Variants in P4HA1 observed in about 807,000 individuals in gnomAD.
The protein encoded by P4HA1 is prolyl 4-hydroxylase subunit alpha 1, also known as prolyl 4-hydroxylase subunit alpha-1.
Under a neutral mutation model 72.8 loss-of-function variants are expected in P4HA1, and 24 were observed. That is an observed-to-expected ratio of 0.33 (90% confidence interval 0.24 to 0.46). The LOEUF (loss-of-function observed/expected upper bound fraction) is 0.46, where lower values mean the gene tolerates loss of function less well. Among genes scored for constraint, P4HA1 ranks in the 20% least tolerant of loss-of-function variants. The pLI, the probability that P4HA1 is intolerant of heterozygous loss-of-function variation, is 1.00. For synonymous variants in P4HA1, 201 were observed against 218.8 expected, an observed-to-expected ratio of 0.92 and a Z score of 0.72; for missense variants, 446 against 640.6, an observed-to-expected ratio of 0.70 and a Z score of 3.28.
intron 1 of P4HA1, among the ~76,000 whole-genome samples, chr10:73,086,933 C>CAAAAA (rs59200288): frequency 2.1e-4 from 7 of 33,100 alleles, no homozygotes; most frequent in African/African-American, 3.8e-4. Context: ...GAGTGCATCT[C>CAAAAA]AAAAAAAAAA....
chr10:73,013,075 C>G (rs975284184), intron 12 of P4HA1, among the ~76,000 whole-genome samples: 2 of 152,144 alleles, frequency 1.3e-5, no homozygotes, highest in African/African-American at 4.8e-5. Context: ...GGATTACAGG[C>G]GTGTGTCACT....
chr10:73,054,560 A>G (rs750858672), intron 5 of P4HA1, among the ~76,000 whole-genome samples: 3 of 152,216 alleles, frequency 2.0e-5, no homozygotes, highest in South Asian at 4.1e-4. Context: ...TGCTACTGTG[A>G]ACATTTGTGT....
intron 9 of P4HA1, among the ~76,000 whole-genome samples, chr10:73,044,461 G>A (rs764723662): frequency 1.3e-5 from 2 of 152,046 alleles, no homozygotes; most frequent in Non-Finnish European, 2.9e-5. Context: ...TTGAGTCAGC[G>A]AATTTTTTTA....
chr10:73,093,873 AATATATAT>A (rs1167437294), intron 1 of P4HA1, among the ~76,000 whole-genome samples: 315 of 29,278 alleles, frequency 0.011, 13 homozygotes, highest in African/African-American at 0.025. Flanking sequence ...AAAAAAAAAA[AATATATAT>A]ATATATATAT....
chr10:73,007,653 G>A lies in P4HA1; in HGVS notation c.*569C>T, dbSNP rs1431487387. The A allele has an allele frequency of 3.3e-5, 5 of 151,678 alleles. No individual in the cohort carries two copies. Among genetic ancestry groups the A allele is most frequent in the Non-Finnish European group, 7.4e-5 (5 of 67,980 alleles). The allele number at this position is 151,678 out of a possible 1,614,324, so 9.4% of individuals were successfully genotyped here. A position where few individuals can be genotyped will look rare whatever the true frequency, so the allele number is the denominator to read the frequency against. ...ACCACAGAGGAGCTAAAAGAAAAGA[G>A]AGGGGGTTGGTAAAATACAGTATAC... On this transcript the variant is annotated 3_prime_UTR_variant, in exon 15 of 15. Coordinates refer to ENST00000394890, the MANE Select transcript of P4HA1 (RefSeq NM_001017962.3).
chr10:73,090,173 C>T (rs1842000232), intron 1 of P4HA1, among the ~76,000 whole-genome samples: 1 of 150,814 alleles, frequency 6.6e-6, no homozygotes, highest in African/African-American at 2.4e-5. Context: ...ATTTCGGTCA[C>T]CAGGCTGGAG....
intron 2 of P4HA1, among the ~76,000 whole-genome samples, chr10:73,074,237 C>T (rs1377375038): frequency 6.6e-6 from 1 of 152,014 alleles, no homozygotes; most frequent in East Asian, 1.9e-4. Context: ...AAAAGCCACA[C>T]TAAAAAAGTT....
chr10:73,026,957 G>A (rs1840286742), intron 10 of P4HA1, among the ~76,000 whole-genome samples: 1 of 152,170 alleles, frequency 6.6e-6, no homozygotes, highest in African/African-American at 2.4e-5. Flanking sequence ...AACAGATGCT[G>A]GAGAGGATGT....
chr10:73,041,066 T>C (rs1840721715), intron 9 of P4HA1, among the ~76,000 whole-genome samples: 1 of 152,154 alleles, frequency 6.6e-6, no homozygotes, highest in African/African-American at 2.4e-5. Context: ...TTACTATCTA[T>C]TAGTGTTCCT....
At chr10:73,092,691 AAT>A (rs1169761147) in intron 1 of P4HA1, among the ~76,000 whole-genome samples, 19 of 150,324 alleles carry the variant, frequency 1.3e-4, no homozygotes, top group African/African-American at 4.5e-4. Flanking sequence ...AAAAAAAAAA[AAT>A]TTAAATATAA....
intron 13 of P4HA1, 76 bp downstream of exon 13, chr10:73,010,893 A>G: frequency 9.8e-7 from 1 of 1,019,138 alleles, no homozygotes; most frequent in Non-Finnish European, 1.5e-6. Flanking sequence ...TAATTCATTA[A>G]TTAGACCATG....
At chr10:73,069,430 A>T (rs1489566599) in intron 4 of P4HA1, among the ~76,000 whole-genome samples, 1 of 152,198 alleles carries the variant, frequency 6.6e-6, no homozygotes, top group Admixed American at 6.5e-5. Context: ...TCTTCCATGT[A>T]TTACACATTA....
chr10:73,037,571 ATTT>A (rs71021545), intron 9 of P4HA1, among the ~76,000 whole-genome samples: 1,104 of 30,378 alleles, frequency 0.036, 41 homozygotes, highest in African/African-American at 0.049. Context: ...ATATATATAT[ATTT>A]TTTTTTTTTT....
intron 1 of P4HA1, among the ~76,000 whole-genome samples, chr10:73,083,920 CTTCT>C (rs1203176779): frequency 1.3e-5 from 2 of 152,198 alleles, no homozygotes; most frequent in African/African-American, 4.8e-5. Flanking sequence ...AACATCTACA[CTTCT>C]TTGATAAACA....
intron 1 of P4HA1, among the ~76,000 whole-genome samples, chr10:73,086,251 T>C (rs1841921256): frequency 6.6e-6 from 1 of 152,224 alleles, no homozygotes; most frequent in South Asian, 2.1e-4. Context: ...AGCAGCATTA[T>C]TCATAATAGC....
chr10:73,039,275 C>T (rs1487359032), intron 9 of P4HA1, among the ~76,000 whole-genome samples: 2 of 149,798 alleles, frequency 1.3e-5, no homozygotes, highest in African/African-American at 2.5e-5. Context: ...CAGAGCAAGA[C>T]CCTGCCTCTT....
chr10:73,059,802 A>T (rs1448707191), intron 5 of P4HA1, among the ~76,000 whole-genome samples: 1 of 151,856 alleles, frequency 6.6e-6, no homozygotes, highest in African/African-American at 2.4e-5. Context: ...ATAGCCAGGT[A>T]TGGTGGTACT....
At chr10:73,060,285 C>A (rs924488341) in intron 5 of P4HA1, among the ~76,000 whole-genome samples, 11 of 152,120 alleles carry the variant, frequency 7.2e-5, no homozygotes, top group Non-Finnish European at 1.5e-5. Context: ...TAAATATAAA[C>A]CCTGTGGTTT....
intron 12 of P4HA1, among the ~76,000 whole-genome samples, chr10:73,013,616 T>G (rs1839954427): frequency 6.6e-6 from 1 of 152,092 alleles, no homozygotes; most frequent in South Asian, 2.1e-4. Context: ...AGTTTTGGAG[T>G]GCTTTATTTG....
Sources: allele counts gnomAD v4.1 joint callset (sites outside exome capture counted in the v4.1 genomes callset), GRCh38; gene constraint gnomAD v4.1.1; transcripts MANE v1.5; gene names NCBI Gene and HGNC (gene_info 2026-07-23, HGNC 2026-07-21).